The following UHRF2 variants were observed in gnomAD, a reference collection of about 807,000 sequenced individuals.
UHRF2 encodes the protein E3 ubiquitin-protein ligase UHRF2.
A neutral mutation model predicts 96.8 loss-of-function variants in UHRF2; 23 were observed. The ratio of observed to expected loss-of-function variants is 0.24; its 90% CI spans 0.17 to 0.34. The LOEUF (loss-of-function observed/expected upper bound fraction) is 0.34. UHRF2 is among the 10% of genes least tolerant of loss of function. The probability of loss-of-function intolerance (pLI) is 1.00; values close to 1 mark genes in which losing one functional copy is unlikely to be tolerated. For missense variants in UHRF2, 685 were observed against 981.5 expected (o/e 0.70, Z 4.04); for synonymous variants, 385 against 332.6 (o/e 1.16, Z -1.72).
At chr9:6,486,975 A>G (rs1323703046) in intron 9 of UHRF2, 50 bp downstream of exon 9, 10 of 1,551,900 alleles carry the variant, frequency 6.4e-6, no homozygotes, top group Admixed American at 5.1e-5. Context: ...GACCATTTGT[A>G]AAATAGAATA....
chr9:6,505,926 A>G (rs1280920078), intron 15 of UHRF2, 107 bp from the exon 16 acceptor site: 2 of 1,158,646 alleles, frequency 1.7e-6, no homozygotes, highest in Non-Finnish European at 2.5e-6. Flanking sequence ...TTCATTCTGT[A>G]CATTTCTCTC....
intron 3 of UHRF2, among the ~76,000 whole-genome samples, chr9:6,441,563 C>G (rs918834342): frequency 7.2e-5 from 11 of 152,058 alleles, no homozygotes; most frequent in Admixed American, 3.3e-4. Flanking sequence ...TTCCTTTTGA[C>G]CCAGCCTTAT....
chr9:6,490,046 C>A (rs557617459), intron 9 of UHRF2, among the ~76,000 whole-genome samples: 1 of 152,136 alleles, frequency 6.6e-6, no homozygotes, highest in Non-Finnish European at 1.5e-5. Flanking sequence ...TAGTTTATTA[C>A]AGTCAGCTCT....
intron 9 of UHRF2, among the ~76,000 whole-genome samples, chr9:6,490,956 A>C (rs1334147414): frequency 6.6e-6 from 1 of 152,240 alleles, no homozygotes; most frequent in Non-Finnish European, 1.5e-5. Flanking sequence ...ATTTAAGAAA[A>C]AAAGTTTCCT....
At chr9:6,435,218 T>G (rs1308532270) in intron 3 of UHRF2, among the ~76,000 whole-genome samples, 1 of 152,046 alleles carries the variant, frequency 6.6e-6, no homozygotes, top group African/African-American at 2.4e-5. Context: ...GGTCGCAAAC[T>G]CCTGATCTCA....
intron 3 of UHRF2, among the ~76,000 whole-genome samples, chr9:6,442,398 A>G (rs1351750808): frequency 2.0e-5 from 3 of 152,338 alleles, no homozygotes; most frequent in Middle Eastern, 3.4e-3. Context: ...ATTACAGAAT[A>G]ATCAATCCAT....
chr9:6,478,216 C>A (rs945687714), intron 6 of UHRF2, among the ~76,000 whole-genome samples: 1 of 152,224 alleles, frequency 6.6e-6, no homozygotes, highest in Non-Finnish European at 1.5e-5. Context: ...CTTTCAACTC[C>A]TTAAGTAAGC....
intron 3 of UHRF2, among the ~76,000 whole-genome samples, chr9:6,458,060 T>C (rs759557437): frequency 4.6e-5 from 7 of 152,200 alleles, no homozygotes; most frequent in African/African-American, 7.2e-5. Flanking sequence ...TCCTGTTGTT[T>C]GGAATAGTTT....
chr9:6,436,784 G>C (rs1026487966), intron 3 of UHRF2, among the ~76,000 whole-genome samples: 1 of 152,124 alleles, frequency 6.6e-6, no homozygotes, highest in Non-Finnish European at 1.5e-5. Flanking sequence ...TTGTCAGTTA[G>C]AATGAATGTT....
intron 2 of UHRF2, among the ~76,000 whole-genome samples, chr9:6,433,641 C>G (rs111506459): frequency 7.9e-5 from 12 of 152,218 alleles, no homozygotes; most frequent in African/African-American, 2.4e-4. Context: ...ATAATATTTT[C>G]AAAAGTCTAG....
chr9:6,466,569 A>G (rs1365223307), intron 4 of UHRF2, among the ~76,000 whole-genome samples: 1 of 151,614 alleles, frequency 6.6e-6, no homozygotes, highest in Non-Finnish European at 1.5e-5. Flanking sequence ...AAAAAAAAAA[A>G]AAAGCTACAG....
intron 3 of UHRF2, among the ~76,000 whole-genome samples, chr9:6,443,670 A>G (rs1821321778): frequency 6.6e-6 from 1 of 152,134 alleles, no homozygotes; most frequent in African/African-American, 2.4e-5. Context: ...TCTGTGGGGG[A>G]GAACACATAC....
At chr9:6,502,690 G>A (rs1203424230) in intron 14 of UHRF2, among the ~76,000 whole-genome samples, 1 of 152,136 alleles carries the variant, frequency 6.6e-6, no homozygotes, top group Middle Eastern at 3.2e-3. Context: ...CACTGTAGAT[G>A]AGTGCCTAGC....
At chr9:6,460,517 A>G (rs1461566145) in intron 3 of UHRF2, 56 bp from the exon 4 acceptor site, 2 of 1,462,668 alleles carry the variant, frequency 1.4e-6, no homozygotes, top group Non-Finnish European at 1.9e-6. Context: ...TGTACATTGC[A>G]TAAAACTTTA....
intron 13 of UHRF2, among the ~76,000 whole-genome samples, 154 bp downstream of exon 13, chr9:6,500,085 A>G (rs537534846): frequency 6.6e-6 from 1 of 152,020 alleles, no homozygotes; most frequent in African/African-American, 2.4e-5. Flanking sequence ...CGATCCACCT[A>G]CCTCAACCTC....
intron 3 of UHRF2, among the ~76,000 whole-genome samples, chr9:6,454,543 A>T (rs1284210740): frequency 6.6e-6 from 1 of 152,182 alleles, no homozygotes; most frequent in African/African-American, 2.4e-5. Flanking sequence ...GGCTTTTCTT[A>T]GAGTTAAAAC....
intron 3 of UHRF2, among the ~76,000 whole-genome samples, chr9:6,458,746 T>A (rs1822334467): frequency 1.3e-5 from 2 of 152,220 alleles, no homozygotes; most frequent in South Asian, 4.1e-4. Context: ...TAAATCATTC[T>A]ACTATAAAGA....
intron 3 of UHRF2, among the ~76,000 whole-genome samples, chr9:6,456,519 A>G (rs1822186331): frequency 6.6e-6 from 1 of 152,182 alleles, no homozygotes; most frequent in Non-Finnish European, 1.5e-5. Context: ...TTTGCTGTGC[A>G]GCAGCTCTTT....
chr9:6,416,659 C>T (rs1819619907), intron 1 of UHRF2, among the ~76,000 whole-genome samples: 1 of 151,330 alleles, frequency 6.6e-6, no homozygotes, highest in South Asian at 2.1e-4. Context: ...TCTGCCTCAG[C>T]CTCCCGAGTA....
Sources: gnomAD v4.1 joint callset for allele counts (sites outside exome capture counted in the v4.1 genomes callset) on GRCh38, gnomAD v4.1.1 for gene constraint, MANE v1.5 for transcripts, NCBI Gene and HGNC (gene_info 2026-07-23, HGNC 2026-07-21) for gene names.